Variants in TEX10 observed in about 807,000 individuals in gnomAD.
TEX10 encodes the protein testis-expressed protein 10.
TEX10 carries 24 observed loss-of-function variants against 104.4 expected under a neutral mutation model. The observed-to-expected ratio is 0.23, with a 90% CI of 0.17 to 0.32. The LOEUF (loss-of-function observed/expected upper bound fraction) is 0.32, where lower values mean the gene tolerates loss of function less well. TEX10 is among the 10% of genes least tolerant of loss of function. The pLI is 1.00. For missense variants in TEX10, 921 were observed against 1,083.9 expected (o/e 0.85, Z 2.11); for synonymous variants, 396 against 393.4 (o/e 1.01, Z -0.08).
At chr9:100,340,997 C>T (rs182647879) in intron 4 of TEX10, among the ~76,000 whole-genome samples, 3 of 152,010 alleles carry the variant, frequency 2.0e-5, no homozygotes, top group East Asian at 3.9e-4. Context: ...GATGAAGTCT[C>T]GCTCTGTCGC....
chr9:100,345,880 T>C (rs1230869904), intron 4 of TEX10, among the ~76,000 whole-genome samples, 192 bp downstream of exon 4: 2 of 152,038 alleles, frequency 1.3e-5, no homozygotes, highest in African/African-American at 2.4e-5. Flanking sequence ...TATATATATA[T>C]ATATATTCAC....
At chr9:100,331,455 C>T (rs1834860632) in intron 5 of TEX10, among the ~76,000 whole-genome samples, 2 of 152,046 alleles carry the variant, frequency 1.3e-5, no homozygotes, top group Admixed American at 6.6e-5. Context: ...AGAAAAGAAA[C>T]ATGTAAATTT....
chr9:100,317,165 A>C (rs1834442528), intron 11 of TEX10, among the ~76,000 whole-genome samples: 1 of 152,186 alleles, frequency 6.6e-6, no homozygotes, highest in East Asian at 1.9e-4. Context: ...ATGGAACCAA[A>C]ACAAGAGCCT....
intron 8 of TEX10, among the ~76,000 whole-genome samples, chr9:100,327,371 C>T (rs932389575): frequency 1.3e-5 from 2 of 150,590 alleles, no homozygotes; most frequent in African/African-American, 4.9e-5. Flanking sequence ...ACATACATCC[C>T]AGTTATGTTT....
chr9:100,346,764 C>A lies in TEX10; in HGVS notation c.823G>T (p.Asp275Tyr). The A allele has an allele frequency of 6.2e-7, 1 of 1,614,110 alleles. No individual in the cohort carries two copies. Among genetic ancestry groups the A allele is most frequent in the South Asian group, 1.1e-5 (1 of 91,060 alleles). The change falls in exon 3 of 15, where the codon GAC (aspartate) becomes TAC (tyrosine). Residue 275 changes from aspartate (D) to tyrosine (Y), a missense_variant. Asp to Tyr is a radical substitution (Grantham distance 160, BLOSUM62 -3). This residue lies in a region of TEX10 where 753 missense variants were observed against 868.4 expected (regional missense o/e 0.87). Transcript: ENST00000374902. ...TCATAAACCTGGATGTGTTGCTGGTCGTTGGCATGTTCCTTCCAGTTGATA... is the reference window on the plus strand; with the variant it reads ...TCATAAACCTGGATGTGTTGCTGGTAGTTGGCATGTTCCTTCCAGTTGATA... ...IFINWKEHAN[D>Y]QQHIQVYENG...
intron 13 of TEX10, 60 bp from the exon 14 acceptor site, chr9:100,303,902 T>G (rs1834080661): frequency 1.1e-5 from 17 of 1,505,324 alleles, no homozygotes; most frequent in Non-Finnish European, 1.4e-5. Flanking sequence ...AAGCCCCCCT[T>G]CTATATTCCC....
intron 1 of TEX10, 127 bp downstream of exon 1, chr9:100,352,645 A>G: frequency 7.0e-7 from 1 of 1,435,620 alleles, no homozygotes; most frequent in Non-Finnish European, 9.1e-7. Context: ...CGCGGCCCAG[A>G]CCCGGGGGAC....
At chr9:100,345,955 C>T in intron 4 of TEX10, 117 bp downstream of exon 4, 1 of 1,158,394 alleles carries the variant, frequency 8.6e-7, no homozygotes, top group Non-Finnish European at 1.2e-6. Flanking sequence ...CAGTTAAACC[C>T]AGGGTACTTT....
intron 10 of TEX10, among the ~76,000 whole-genome samples, chr9:100,320,623 T>C (rs1445593575): frequency 6.6e-6 from 1 of 152,174 alleles, no homozygotes; most frequent in Non-Finnish European, 1.5e-5. Context: ...ACCCAATCTA[T>C]AATATAGCAA....
chr9:100,346,653 A>C, intron 3 of TEX10, 41 bp downstream of exon 3: 1 of 1,553,386 alleles, frequency 6.4e-7, no homozygotes, highest in African/African-American at 1.4e-5. Flanking sequence ...TTATAATTCA[A>C]TACAGCAAAA....
At position 100,327,922 on chromosome 9, in the gene TEX10, G is replaced by A. The variant is rs752611380; in HGVS notation, c.1666C>T (p.Pro556Ser). ...KVLSRWLAGLPLQLAHLGSRN... is the reference protein window; with the variant it reads ...KVLSRWLAGLSLQLAHLGSRN... The stretch of plus-strand genomic sequence containing the variant: ...GAGCCAAGATGAGCAAGTTGCAATG[G>A]TAAGCCAGCCAGCCAACGGGATAAC... The change falls in exon 8 of 15, where the codon CCA becomes TCA. Residue 556 changes from proline (P) to serine (S), a missense_variant. By Grantham distance (74) the Pro-to-Ser change is moderately conservative (BLOSUM62 -1). Transcript: ENST00000374902. 6.3e-7 allele frequency: 1 copy of A among 1,595,034 alleles called. No individual in the cohort carries two copies. The highest frequency in any genetic ancestry group is 1.1e-5 in the South Asian group (1 of 87,674).
intron 1 of TEX10, among the ~76,000 whole-genome samples, chr9:100,350,995 C>T (rs1238668283): frequency 6.6e-6 from 1 of 152,078 alleles, no homozygotes; most frequent in Non-Finnish European, 1.5e-5. Context: ...AGAACTGTGC[C>T]TGGTACATGG....
rs368697352 is a variant in TEX10, at chr9:100,329,304, A to G, written c.1490-29T>C. 5.1e-5 allele frequency: 80 copies of G among 1,581,360 alleles called. No homozygotes were observed. In the African/African-American group the frequency reaches 1.1e-3, roughly 21 times the overall value. On this transcript the variant is annotated intron_variant, in intron 6 of 14. Coordinates refer to ENST00000374902, the MANE Select transcript of TEX10 (RefSeq NM_017746.4). ...CAAACAGAAAGAAAACAACTTGCAT[A>G]TGAATCAAAAAATGTTTAACAGCCC...
chr9:100,340,200 GA>G (rs1835139737), intron 5 of TEX10, 56 bp downstream of exon 5: 1 of 1,066,800 alleles, frequency 9.4e-7, no homozygotes, highest in Non-Finnish European at 1.3e-6. Context: ...ATTACTTCCT[GA>G]TAATTTCAGG....
chr9:100,351,767 A>T (rs1458915041), intron 1 of TEX10, among the ~76,000 whole-genome samples: 2 of 152,204 alleles, frequency 1.3e-5, no homozygotes, highest in African/African-American at 4.8e-5. Context: ...AAACCTAGTA[A>T]TATTATTACG....
At chr9:100,345,009 A>T (rs1835266986) in intron 4 of TEX10, among the ~76,000 whole-genome samples, 1 of 152,152 alleles carries the variant, frequency 6.6e-6, no homozygotes, top group African/African-American at 2.4e-5. Context: ...ACTTTTTTTA[A>T]AGGAGCTATA....
In TEX10 at chr9:100,329,858, T is replaced by C. The variant is rs1834811671; in HGVS notation, c.1489+73A>G. 3 of 1,287,308 alleles carry C rather than the reference T, an allele frequency of 2.3e-6. No individual in the cohort carries two copies. In the South Asian group the frequency reaches 4.1e-5, roughly 18 times the overall value. 79.7% of individuals were successfully genotyped at this position (1,287,308 alleles called of 1,614,324 possible). ...TACATGGAATGTTTACAAGCCATCA[T>C]TTCAAAGCTAGACCTTAAGATAGCA... On this transcript the variant is annotated intron_variant, in intron 6 of 14. Coordinates refer to ENST00000374902, the MANE Select transcript of TEX10 (RefSeq NM_017746.4).
chr9:100,322,531 T>C (rs1457952693), intron 9 of TEX10, among the ~76,000 whole-genome samples: 2 of 152,162 alleles, frequency 1.3e-5, no homozygotes, highest in East Asian at 1.9e-4. Flanking sequence ...ACTGAATAAA[T>C]ATCAAACAAA....
chr9:100,330,099 T>C lies in TEX10; in HGVS notation c.1321A>G (p.Met441Val). ...LLLNLTLSDI[M>V]VSLANASTLQ... ...GTTGACGCATTTGCCAGGGAGACCA[T>C]GATATCAGACAGTGTTAAATTCAGT... is the stretch of plus-strand genomic sequence containing the variant. The change falls in exon 6 of 15, where the codon ATG (methionine) becomes GTG (valine). Residue 441 changes from methionine to valine, a missense_variant. Around this residue, in one of 3 missense-constraint regions of TEX10, gnomAD observed 753 missense variants for 868.4 expected, o/e 0.87. Transcript: ENST00000374902. 1 of 1,614,158 alleles carries C rather than the reference T, an allele frequency of 6.2e-7. No individual in the cohort carries two copies. Among genetic ancestry groups the C allele is most frequent in the Non-Finnish European group, 8.5e-7 (1 of 1,180,014 alleles).
Sources: gnomAD v4.1 joint callset for allele counts (sites outside exome capture counted in the v4.1 genomes callset) on GRCh38, gnomAD v4.1.1 for gene constraint, gnomAD v4.1.1 regional missense constraint, MANE v1.5 for transcripts, NCBI Gene and HGNC (gene_info 2026-07-23, HGNC 2026-07-21) for gene names.